The following FHIT variants were observed in gnomAD, a reference collection of about 807,000 sequenced individuals.
The protein encoded by FHIT is bis(5'-adenosyl)-triphosphatase.
A neutral mutation model predicts 17.9 loss-of-function variants in FHIT; 19 were observed. That is an observed-to-expected ratio of 1.06 (90% CI 0.74 to 1.56). FHIT has a LOEUF of 1.56. Ranked by LOEUF, FHIT falls within the 40% of genes most tolerant of loss-of-function variation. The pLI, the probability that FHIT is intolerant of heterozygous loss-of-function variation, is 0.00. For synonymous variants in FHIT, 81 were observed against 69.7 expected, an observed-to-expected ratio of 1.16 and a Z score of -0.81; for missense variants, 248 against 189.2, an observed-to-expected ratio of 1.31 and a Z score of -1.82.
intron 4 of FHIT, among the ~76,000 whole-genome samples, chr3:60,636,467 A>G (rs2039588112): frequency 6.6e-6 from 1 of 152,160 alleles, no homozygotes; most frequent in Admixed American, 6.5e-5. Flanking sequence ...CACTTTCCAC[A>G]AAAGGGAGCT....
chr3:60,191,949 A>G (rs2107469390), intron 5 of FHIT, among the ~76,000 whole-genome samples: 1 of 152,214 alleles, frequency 6.6e-6, no homozygotes, highest in African/African-American at 2.4e-5. Flanking sequence ...CTACAATCAA[A>G]AAAATAAAGG....
chr3:61,162,135 T>C lies in FHIT; in HGVS notation c.-164+38482A>G, dbSNP rs148862961. Among the ~76,000 whole-genome samples, 203 of 152,336 alleles carry C rather than the reference T, an allele frequency of 1.3e-3. 1 individual carries two copies. Among genetic ancestry groups the C allele is most frequent in the African/African-American group, 4.7e-3 (196 of 41,584 alleles). ...ATCCTGTTAATTGACCAAATGATTA[T>C]CCTTCTTTTAGTTAAGACTCTACCT... On this transcript the variant is annotated intron_variant, in intron 2 of 9. Transcript: ENST00000492590.
chr3:60,539,395 G>A (rs2036103309), intron 4 of FHIT, among the ~76,000 whole-genome samples: 1 of 152,112 alleles, frequency 6.6e-6, no homozygotes, highest in Admixed American at 6.5e-5. Flanking sequence ...TGATTCCTCA[G>A]GGATCTAGAA....
chr3:59,817,960 G>A (rs1286828758), intron 8 of FHIT, among the ~76,000 whole-genome samples: 1 of 152,090 alleles, frequency 6.6e-6, no homozygotes, highest in African/African-American at 2.4e-5. Context: ...CTGGGGGGAA[G>A]AAAGAGAGGA....
intron 7 of FHIT, among the ~76,000 whole-genome samples, chr3:59,936,887 G>T (rs3772451): frequency 0.086 from 13,118 of 152,212 alleles, 719 homozygotes; most frequent in Admixed American, 0.13. Context: ...GGAGAGGTCA[G>T]CCATGAAGGA....
chr3:59,790,506 TTCTCTCTCTCTCTCTC>T (rs574974245), intron 8 of FHIT, among the ~76,000 whole-genome samples: 18 of 150,562 alleles, frequency 1.2e-4, no homozygotes, highest in African/African-American at 4.2e-4. Flanking sequence ...CTCTCTCTCT[TTCTCTCTCTCTCTCTC>T]TCTCTCTGTG....
At chr3:61,069,264 G>A (rs1181086782) in intron 2 of FHIT, among the ~76,000 whole-genome samples, 4 of 152,188 alleles carry the variant, frequency 2.6e-5, no homozygotes, top group Admixed American at 2.6e-4. Flanking sequence ...TCCACAAGGG[G>A]AAAGGTGGTA....
Position 60,965,561 on chromosome 3 carries a change from T to A in FHIT, c.-111+76486A>T, listed in dbSNP as rs181417708. Among the ~76,000 whole-genome samples the A allele has an allele frequency of 3.5e-4, 53 of 152,314 alleles. No homozygotes were observed. In the East Asian group the frequency reaches 8.3e-3, roughly 24 times the overall value. The stretch of plus-strand genomic sequence containing the variant: ...TTTTCTGCTCTGGTTTCTCCCCATC[T>A]TTGTGGTTTTATCTATCTTTGGTCT... On this transcript the variant is annotated intron_variant, in intron 3 of 9. Transcript: ENST00000492590.
chr3:59,890,611 C>T (rs1032269956), intron 8 of FHIT, among the ~76,000 whole-genome samples: 2 of 152,098 alleles, frequency 1.3e-5, no homozygotes, highest in African/African-American at 4.8e-5. Flanking sequence ...CTGAAATCAG[C>T]CAAACCAGCT....
chr3:60,131,443 G>T (rs547630979), intron 5 of FHIT, among the ~76,000 whole-genome samples: 1 of 151,838 alleles, frequency 6.6e-6, no homozygotes, highest in Non-Finnish European at 1.5e-5. Context: ...ACTCATATTC[G>T]CACAGATTCA....
chr3:59,922,455 C>T (rs1225129259), intron 7 of FHIT, 41 bp from the exon 8 acceptor site: 26 of 1,540,894 alleles, frequency 1.7e-5, no homozygotes, highest in Non-Finnish European at 2.3e-5. Context: ...GATTATCTCC[C>T]CATGTATTTT....
intron 4 of FHIT, among the ~76,000 whole-genome samples, chr3:60,764,465 G>C (rs1699779089): frequency 6.6e-6 from 1 of 152,134 alleles, no homozygotes. Flanking sequence ...ACAGTGGACT[G>C]CAGGGTAAAA....
intron 8 of FHIT, among the ~76,000 whole-genome samples, chr3:59,817,125 C>T (rs2106638039): frequency 6.6e-6 from 1 of 152,284 alleles, no homozygotes; most frequent in Non-Finnish European, 1.5e-5. Context: ...GGTGTTTTTG[C>T]ATTAAGTTTC....
chr3:61,089,019 T>C (rs2035393267), intron 2 of FHIT, among the ~76,000 whole-genome samples: 1 of 152,130 alleles, frequency 6.6e-6, no homozygotes, highest in Non-Finnish European at 1.5e-5. Context: ...ATTACTGACA[T>C]CAGTATATAT....
chr3:60,988,999 G>A (rs35530282), intron 3 of FHIT, among the ~76,000 whole-genome samples: 1 of 124,878 alleles, frequency 8.0e-6, no homozygotes, highest in South Asian at 2.6e-4. Context: ...TAACTGAGTA[G>A]AGACAGGACA....
intron 5 of FHIT, among the ~76,000 whole-genome samples, chr3:60,225,590 T>C (rs1704160598): frequency 6.6e-6 from 1 of 152,154 alleles, no homozygotes; most frequent in South Asian, 2.1e-4. Flanking sequence ...GTGAGTAGGT[T>C]GTGTGGCTCC....
At chr3:60,229,122 A>C (rs1281868269) in intron 5 of FHIT, among the ~76,000 whole-genome samples, 2 of 152,158 alleles carry the variant, frequency 1.3e-5, no homozygotes, top group African/African-American at 4.8e-5. Context: ...TGCCCTCAAG[A>C]AAGTCATTAC....
chr3:61,017,024 C>A (rs1292520154), intron 3 of FHIT, among the ~76,000 whole-genome samples: 3 of 152,150 alleles, frequency 2.0e-5, no homozygotes, highest in Non-Finnish European at 4.4e-5. Flanking sequence ...TGGTGGCTCA[C>A]ACCTGTAATC....
chr3:61,016,248 G>C (rs976417108), intron 3 of FHIT, among the ~76,000 whole-genome samples: 2 of 152,146 alleles, frequency 1.3e-5, no homozygotes, highest in Admixed American at 6.5e-5. Context: ...TGGAGGAAAA[G>C]GACAGTAATG....
Sources: gnomAD v4.1 joint callset for allele counts (sites outside exome capture counted in the v4.1 genomes callset) on GRCh38, gnomAD v4.1.1 for gene constraint, MANE v1.5 for transcripts, NCBI Gene and HGNC (gene_info 2026-07-23, HGNC 2026-07-21) for gene names.